DHRSX: variants seen among roughly 807,000 people sequenced by gnomAD.
DHRSX encodes the protein polyprenol dehydrogenase.
A neutral mutation model predicts 34.0 loss-of-function variants in DHRSX; 31 were observed. The ratio of observed to expected loss-of-function variants is 0.91; its 90% CI spans 0.69 to 1.23. The LOEUF is 1.23. DHRSX is among the 50% of genes most tolerant of loss of function. DHRSX has a pLI of 0.00. For missense variants in DHRSX, 414 were observed against 428.1 expected (o/e 0.97, Z 0.29); for synonymous variants, 201 against 183.8 (o/e 1.09, Z -0.76).
At chrX:2,467,800 C>T (rs28617313) in intron 1 of DHRSX, among the ~76,000 whole-genome samples, 46,485 of 151,462 alleles carry the variant, frequency 0.31, 7,757 homozygotes, top group African/African-American at 0.45. Flanking sequence ...CATGGAGAAA[C>T]CTCATCTCTA....
At chrX:2,292,056 T>C (rs2041873770) in intron 3 of DHRSX, among the ~76,000 whole-genome samples, 2 of 152,212 alleles carry the variant, frequency 1.3e-5, no homozygotes, top group South Asian at 4.1e-4. Context: ...TAACACTGAA[T>C]TGGACATGTC....
intron 1 of DHRSX, among the ~76,000 whole-genome samples, chrX:2,491,510 C>T (rs1705746016): frequency 2.0e-5 from 3 of 152,164 alleles, no homozygotes; most frequent in Non-Finnish European, 4.4e-5. Context: ...AGGCAGACCC[C>T]CCACTGCCAA....
At chrX:2,385,587 G>C (rs902247387) in intron 3 of DHRSX, among the ~76,000 whole-genome samples, 10 of 152,000 alleles carry the variant, frequency 6.6e-5, no homozygotes, top group African/African-American at 1.9e-4. Flanking sequence ...CTGCATTCCG[G>C]CTGCTGTTAT....
intron 3 of DHRSX, among the ~76,000 whole-genome samples, chrX:2,406,890 C>T (rs190085617): frequency 1.3e-5 from 2 of 152,250 alleles, no homozygotes; most frequent in East Asian, 3.9e-4. Context: ...AAAAGCACCA[C>T]ATAATTCAGC....
intron 3 of DHRSX, among the ~76,000 whole-genome samples, chrX:2,315,635 C>A (rs1435155904): frequency 6.6e-6 from 1 of 152,108 alleles, no homozygotes; most frequent in East Asian, 1.9e-4. Context: ...CGTAACAAAA[C>A]GCCCCAAACG....
At chrX:2,396,101 G>T (rs936940716) in intron 3 of DHRSX, among the ~76,000 whole-genome samples, 1 of 152,086 alleles carries the variant, frequency 6.6e-6, no homozygotes, top group East Asian at 1.9e-4. Context: ...GTTTGTGGCC[G>T]CATCGCTCCA....
At chrX:2,352,202 T>C (rs910283391) in intron 3 of DHRSX, among the ~76,000 whole-genome samples, 1 of 152,036 alleles carries the variant, frequency 6.6e-6, no homozygotes, top group Non-Finnish European at 1.5e-5. Flanking sequence ...CCCTAAACTA[T>C]GATATAATCC....
chrX:2,485,772 GAAGGGAGAAAAGGGAGA>G, intron 1 of DHRSX, among the ~76,000 whole-genome samples: 1 of 21,920 alleles, frequency 4.6e-5, no homozygotes, highest in African/African-American at 1.8e-4. Flanking sequence ...GAGAAGGAAG[GAAGGGAGAAAAGGGAGA>G]GAAGGGAGAG....
At chrX:2,266,121 C>T (rs1470363819) in intron 5 of DHRSX, among the ~76,000 whole-genome samples, 5 of 145,252 alleles carry the variant, frequency 3.4e-5, no homozygotes, top group Admixed American at 6.8e-5. Context: ...CACCAGTGTA[C>T]GGCAGACACA....
chrX:2,304,900 G>T (rs2042081380), intron 3 of DHRSX, among the ~76,000 whole-genome samples: 1 of 151,870 alleles, frequency 6.6e-6, no homozygotes, highest in Admixed American at 6.6e-5. Flanking sequence ...AAAGATACAG[G>T]CACACATATG....
intron 1 of DHRSX, among the ~76,000 whole-genome samples, chrX:2,436,842 G>A (rs191010873): frequency 3.3e-5 from 5 of 151,764 alleles, no homozygotes; most frequent in Non-Finnish European, 5.9e-5. Flanking sequence ...TATGTTGGCC[G>A]AGCTGATCTC....
chrX:2,397,925 A>AGC (rs1263340245), intron 3 of DHRSX, among the ~76,000 whole-genome samples: 5 of 89,710 alleles, frequency 5.6e-5, no homozygotes, highest in African/African-American at 1.3e-4. Flanking sequence ...ATATCCTCAG[A>AGC]GCGCGCACAC....
At chrX:2,460,328 G>A (rs759052570) in intron 1 of DHRSX, among the ~76,000 whole-genome samples, 65 of 151,748 alleles carry the variant, frequency 4.3e-4, no homozygotes, top group East Asian at 3.5e-3. Context: ...GCACTGAGCC[G>A]GCTCCCCATG....
intron 6 of DHRSX, among the ~76,000 whole-genome samples, chrX:2,223,390 T>C (rs2015564938): frequency 6.6e-6 from 1 of 152,144 alleles, no homozygotes; most frequent in Non-Finnish European, 1.5e-5. Context: ...ACTGAGTCCA[T>C]TAAGCCTCTT....
chrX:2,315,617 C>T (rs1473064268), intron 3 of DHRSX, among the ~76,000 whole-genome samples: 1 of 152,104 alleles, frequency 6.6e-6, no homozygotes, highest in Non-Finnish European at 1.5e-5. Context: ...TCTTAGCTAG[C>T]TCTGCTGCGT....
intron 6 of DHRSX, among the ~76,000 whole-genome samples, chrX:2,236,074 T>C (rs745763291): frequency 5.9e-5 from 9 of 152,002 alleles, no homozygotes; most frequent in African/African-American, 1.9e-4. Flanking sequence ...ATCGCGCCAT[T>C]GTACTCCAGC....
intron 1 of DHRSX, among the ~76,000 whole-genome samples, chrX:2,428,910 G>A (rs1393158958): frequency 6.6e-6 from 1 of 152,126 alleles, no homozygotes; most frequent in Non-Finnish European, 1.5e-5. Flanking sequence ...AGGAGGTGGG[G>A]CCTGTGGAGG....
intron 3 of DHRSX, among the ~76,000 whole-genome samples, chrX:2,392,810 T>A (rs2043350689): frequency 1.7e-5 from 1 of 58,884 alleles, no homozygotes; most frequent in Non-Finnish European, 3.3e-5. Context: ...ATATAAATTA[T>A]TTATAATGAC....
At chrX:2,420,084 T>C (rs1335478674) in intron 2 of DHRSX, among the ~76,000 whole-genome samples, 1 of 151,890 alleles carries the variant, frequency 6.6e-6, no homozygotes, top group East Asian at 1.9e-4. Context: ...TTTCAAGAAA[T>C]TGTCATAAAG....
Sources: gnomAD v4.1 joint callset for allele counts (sites outside exome capture counted in the v4.1 genomes callset) on GRCh38, gnomAD v4.1.1 for gene constraint, MANE v1.5 for transcripts, NCBI Gene and HGNC (gene_info 2026-07-23, HGNC 2026-07-21) for gene names.